The following FGF14 variants were observed in gnomAD, a reference collection of about 807,000 sequenced individuals.
FGF14 encodes the protein fibroblast growth factor 14, also known as fibroblast growth factor homologous factor 4.
In FGF14, 5 loss-of-function variants were observed where a neutral mutation model predicts 25.5. The ratio of observed to expected loss-of-function variants is 0.20; its 90% confidence interval spans 0.10 to 0.41. FGF14 has a LOEUF of 0.41. Among genes scored for constraint, FGF14 ranks in the 10% least tolerant of loss-of-function variants. The pLI is 1.00. For synonymous variants in FGF14, 138 were observed against 118.3 expected (o/e 1.17, Z -1.08); for missense variants, 222 against 320.1 (o/e 0.69, Z 2.34).
At chr13:101,888,303 A>G (rs2046096776) in intron 1 of FGF14, among the ~76,000 whole-genome samples, 1 of 147,160 alleles carries the variant, frequency 6.8e-6, no homozygotes, top group South Asian at 2.1e-4. Context: ...TCAATAGATG[A>G]TTGGTAAAAT....
chr13:101,712,045 C>T lies in FGF14; in HGVS notation c.*10786G>A, dbSNP rs1455883047. On this transcript the variant is annotated 3_prime_UTR_variant, in exon 5 of 5. Transcript: ENST00000376143. ...GTGTGCTTCCCATTTAAGAGAGGCA[C>T]AATTTGACCCATGTTATGGAAGAAA... 1 of 152,162 alleles carries T rather than the reference C, an allele frequency of 6.6e-6. No individual in the cohort carries two copies. Among genetic ancestry groups the T allele is most frequent in the Non-Finnish European group, 1.5e-5 (1 of 68,056 alleles). The allele number at this position is 152,162 out of a possible 1,614,324, so 9.4% of individuals were successfully genotyped here. A position where few individuals can be genotyped will look rare whatever the true frequency, so the allele number is the denominator to read the frequency against.
At chr13:102,161,125 C>T (rs1158069671) in intron 1 of FGF14, among the ~76,000 whole-genome samples, 1 of 152,076 alleles carries the variant, frequency 6.6e-6, no homozygotes, top group African/African-American at 2.4e-5. Context: ...AACTGTTTCT[C>T]ATAAAATTTA....
At chr13:102,031,946 C>T (rs1329649253) in intron 1 of FGF14, among the ~76,000 whole-genome samples, 2 of 152,058 alleles carry the variant, frequency 1.3e-5, no homozygotes, top group African/African-American at 4.8e-5. Context: ...ACATTCATTG[C>T]CGTACTTTTC....
At chr13:101,837,197 T>G (rs2042968369) in intron 3 of FGF14, among the ~76,000 whole-genome samples, 1 of 151,998 alleles carries the variant, frequency 6.6e-6, no homozygotes, top group African/African-American at 2.4e-5. Context: ...TGTGTTTGTG[T>G]GTGTGTATTT....
chr13:102,394,047 T>C (rs1385612885), intron 1 of FGF14, among the ~76,000 whole-genome samples: 1 of 152,208 alleles, frequency 6.6e-6, no homozygotes, highest in Non-Finnish European at 1.5e-5. Context: ...CTCTAATCAA[T>C]ATCCTTCTTG....
chr13:102,367,388 C>T (rs1277603229), intron 1 of FGF14: 1 of 152,278 alleles, frequency 6.6e-6, no homozygotes, highest in Admixed American at 6.6e-5. Flanking sequence ...GCTGGCTTTC[C>T]CCAGAGCAAG....
At chr13:101,991,148 C>A (rs2038880591) in intron 1 of FGF14, among the ~76,000 whole-genome samples, 1 of 152,032 alleles carries the variant, frequency 6.6e-6, no homozygotes. Flanking sequence ...AAAATATGAT[C>A]TTATTGAGAT....
chr13:102,018,061 G>A (rs1292010346), intron 1 of FGF14, among the ~76,000 whole-genome samples: 1 of 152,026 alleles, frequency 6.6e-6, no homozygotes, highest in African/African-American at 2.4e-5. Flanking sequence ...CAGTTCTTCT[G>A]TTTCTAGAGT....
chr13:102,156,786 T>C (rs2047363450), intron 1 of FGF14, among the ~76,000 whole-genome samples: 1 of 152,178 alleles, frequency 6.6e-6, no homozygotes, highest in Admixed American at 6.5e-5. Flanking sequence ...CAAAATCTCC[T>C]TAAGCTGATA....
chr13:101,790,608 G>A (rs1020631789), intron 3 of FGF14, among the ~76,000 whole-genome samples: 14 of 151,990 alleles, frequency 9.2e-5, no homozygotes, highest in Non-Finnish European at 1.9e-4. Context: ...CCACCTAGAC[G>A]TTAAACACCA....
At chr13:102,172,750 A>ATATT (rs1366320748) in intron 1 of FGF14, among the ~76,000 whole-genome samples, 1 of 152,150 alleles carries the variant, frequency 6.6e-6, no homozygotes, top group Non-Finnish European at 1.5e-5. Context: ...CACAAGAAAA[A>ATATT]TATTTTCTCC....
chr13:102,358,786 A>T (rs1174693614), intron 1 of FGF14, among the ~76,000 whole-genome samples: 1 of 152,228 alleles, frequency 6.6e-6, no homozygotes, highest in East Asian at 1.9e-4. Flanking sequence ...GATTAACTCT[A>T]TAATGAATGG....
chr13:102,104,639 A>T (rs1451130222), intron 1 of FGF14, among the ~76,000 whole-genome samples: 1 of 151,826 alleles, frequency 6.6e-6, no homozygotes, highest in Non-Finnish European at 1.5e-5. Context: ...CACACAAATT[A>T]CCCAGGCATG....
chr13:102,306,491 A>G (rs963656434), intron 1 of FGF14, among the ~76,000 whole-genome samples: 9 of 152,150 alleles, frequency 5.9e-5, no homozygotes, highest in Non-Finnish European at 1.3e-4. Flanking sequence ...GCATTACAGA[A>G]AAAGGATGTC....
At chr13:102,231,170 G>C (rs758203868) in intron 1 of FGF14, among the ~76,000 whole-genome samples, 64 of 152,088 alleles carry the variant, frequency 4.2e-4, no homozygotes, top group Admixed American at 7.2e-4. Context: ...AATTTAATAT[G>C]TTGTGAAATA....
intron 3 of FGF14, among the ~76,000 whole-genome samples, chr13:101,853,057 C>T (rs188029462): frequency 6.6e-5 from 10 of 152,154 alleles, no homozygotes; most frequent in South Asian, 2.1e-4. Flanking sequence ...CTTAGGAACA[C>T]CTTGCTTGAT....
intron 3 of FGF14, among the ~76,000 whole-genome samples, chr13:101,848,018 C>G (rs2043554453): frequency 1.3e-5 from 2 of 151,966 alleles, no homozygotes; most frequent in South Asian, 4.1e-4. Flanking sequence ...GCAGGGAACT[C>G]TCATCTTTAT....
At chr13:102,218,433 T>C (rs2050468621) in intron 1 of FGF14, among the ~76,000 whole-genome samples, 1 of 151,812 alleles carries the variant, frequency 6.6e-6, no homozygotes. Context: ...CAGTTTTTTG[T>C]TTGGAAACTG....
intron 1 of FGF14, among the ~76,000 whole-genome samples, chr13:102,196,956 G>T (rs199745965): frequency 2.0e-5 from 3 of 146,994 alleles, no homozygotes; most frequent in Admixed American, 6.8e-5. Context: ...TTGTTTTTTT[G>T]GTTTTTTTTT....
Sources: allele counts gnomAD v4.1 joint callset (sites outside exome capture counted in the v4.1 genomes callset), GRCh38; gene constraint gnomAD v4.1.1; transcripts MANE v1.5; gene names NCBI Gene and HGNC (gene_info 2026-07-23, HGNC 2026-07-21).